Variants in C10orf90 observed in about 807,000 individuals in gnomAD.
The protein encoded by C10orf90 is (E2-independent) E3 ubiquitin-conjugating enzyme FATS.
A neutral mutation model predicts 62.5 loss-of-function variants in C10orf90; 56 were observed. That is an observed-to-expected ratio of 0.90 (90% CI 0.72 to 1.12). The LOEUF (loss-of-function observed/expected upper bound fraction) is 1.12. C10orf90 is among the 50% of genes most tolerant of loss of function. The pLI is 0.00. For missense variants in C10orf90, 970 were observed against 880.4 expected (o/e 1.10, Z -1.29); for synonymous variants, 386 against 340.4 (o/e 1.13, Z -1.47).
At chr10:126,650,161 A>T (rs1846262706) in intron 1 of C10orf90, among the ~76,000 whole-genome samples, 1 of 152,108 alleles carries the variant, frequency 6.6e-6, no homozygotes, top group Admixed American at 6.5e-5. Context: ...TCCAATTTTT[A>T]CTATTTACTA....
chr10:126,570,295 G>A lies in C10orf90; in HGVS notation c.314-56356C>T, dbSNP rs138978700. On this transcript the variant is annotated intron_variant, in intron 2 of 9. Transcript: ENST00000488181. ...AAGAGTTATGTGCATTTTCAACAGT[G>A]CTGGCACACAGTGGACTTTACGCAC... Among the ~76,000 whole-genome samples the A allele has an allele frequency of 2.0e-3, 306 of 152,322 alleles. 2 individuals are homozygous for A. Among genetic ancestry groups the A allele is most frequent in the African/African-American group, 6.4e-3 (268 of 41,576 alleles).
intron 2 of C10orf90, among the ~76,000 whole-genome samples, chr10:126,605,564 T>C (rs939325665): frequency 3.9e-5 from 6 of 152,190 alleles, no homozygotes; most frequent in Non-Finnish European, 8.8e-5. Context: ...AAAGATGTGT[T>C]GAATCCTCGC....
intron 3 of C10orf90, among the ~76,000 whole-genome samples, chr10:126,513,641 A>G (rs1863265657): frequency 6.6e-6 from 1 of 152,240 alleles, no homozygotes; most frequent in African/African-American, 2.4e-5. Context: ...AGCAATTGCC[A>G]TATTCTAAGA....
At chr10:126,510,739 A>G (rs771950731) in intron 3 of C10orf90, among the ~76,000 whole-genome samples, 8 of 152,234 alleles carry the variant, frequency 5.3e-5, no homozygotes, top group Non-Finnish European at 1.0e-4. Context: ...TAGTGCTGGT[A>G]ACTGCTTTCA....
At chr10:126,628,816 C>T (rs1267020694) in intron 2 of C10orf90, among the ~76,000 whole-genome samples, 1 of 152,194 alleles carries the variant, frequency 6.6e-6, no homozygotes, top group Non-Finnish European at 1.5e-5. Flanking sequence ...ACCACTCACT[C>T]TCCATGTTCC....
At chr10:126,664,622 T>A (rs576307502) in intron 1 of C10orf90, among the ~76,000 whole-genome samples, 1 of 152,294 alleles carries the variant, frequency 6.6e-6, no homozygotes, top group African/African-American at 2.4e-5. Flanking sequence ...TTGGCTGAAA[T>A]GTGGATATGG....
Position 126,643,519 on chromosome 10 carries a change from G to C in C10orf90, c.313+3046C>G, listed in dbSNP as rs1846106259. Among the ~76,000 whole-genome samples, 2 of 152,168 alleles carry C rather than the reference G, an allele frequency of 1.3e-5. 1 individual carries two copies. The highest frequency in any genetic ancestry group is 4.1e-4 in the South Asian group (2 of 4,832). ...CATCACCCCCAGGATTGGGCCTCTG[G>C]AAGTTGTACATCTAATATCTGACCT... On this transcript the variant is annotated intron_variant, in intron 2 of 9. Transcript: ENST00000488181.
intron 2 of C10orf90, among the ~76,000 whole-genome samples, chr10:126,633,751 TC>T (rs1845896684): frequency 6.6e-6 from 1 of 151,902 alleles, no homozygotes; most frequent in Non-Finnish European, 1.5e-5. Context: ...CCTCTCTGCT[TC>T]CCCCAACACG....
intron 2 of C10orf90, among the ~76,000 whole-genome samples, chr10:126,583,937 G>C (rs1369143626): frequency 1.3e-5 from 2 of 152,082 alleles, no homozygotes; most frequent in Non-Finnish European, 2.9e-5. Flanking sequence ...GTGATGTAGA[G>C]AGACCTCATC....
At chr10:126,544,018 A>G (rs1023935893) in intron 2 of C10orf90, among the ~76,000 whole-genome samples, 7 of 152,214 alleles carry the variant, frequency 4.6e-5, no homozygotes, top group African/African-American at 1.7e-4. Context: ...GTGATTCTCA[A>G]TTCAGCTGCT....
intron 4 of C10orf90, chr10:126,496,806 C>T (rs780812580): frequency 3.3e-5 from 24 of 729,690 alleles, no homozygotes; most frequent in Admixed American, 6.3e-5. Flanking sequence ...GGGTCATCAA[C>T]GTAACCTGTC....
At chr10:126,653,164 T>G (rs10794098) in intron 1 of C10orf90, among the ~76,000 whole-genome samples, 73,330 of 152,070 alleles carry the variant, frequency 0.48, 18,599 homozygotes, top group East Asian at 0.58. Context: ...CAGGGTGGTG[T>G]TTGCTGAAGG....
rs565331103 is a variant in C10orf90 at position 126,540,843 on chromosome 10, T to C, written c.314-26904A>G. On this transcript the variant is annotated intron_variant, in intron 2 of 9. Coordinates refer to ENST00000488181, the MANE Select transcript of C10orf90 (RefSeq NM_001350921.2). Reference sequence around the variant, plus strand: ...GAAAACAGAGTGAGACATCCATGTATATTTGGGAATTTAGTTTATGAAAGG... The same window carrying C: ...GAAAACAGAGTGAGACATCCATGTACATTTGGGAATTTAGTTTATGAAAGG... Among the ~76,000 whole-genome samples the C allele has an allele frequency of 4.6e-5, 7 of 152,310 alleles. No homozygotes were observed. The South Asian group carries it at 1.4e-3, about 32-fold the overall frequency.
chr10:126,528,505 G>A (rs540018653), intron 2 of C10orf90, among the ~76,000 whole-genome samples: 54 of 152,222 alleles, frequency 3.5e-4, no homozygotes, highest in Middle Eastern at 3.4e-3. Flanking sequence ...CTTCTGAAGC[G>A]TGGTGGCGAA....
chr10:126,653,328 C>G (rs1846328117), intron 1 of C10orf90, among the ~76,000 whole-genome samples: 1 of 152,334 alleles, frequency 6.6e-6, no homozygotes, highest in South Asian at 2.1e-4. Flanking sequence ...TGGAGGCAAT[C>G]CCCTCAAACC....
chr10:126,611,230 A>G (rs1845426376), intron 2 of C10orf90, among the ~76,000 whole-genome samples: 1 of 152,176 alleles, frequency 6.6e-6, no homozygotes, highest in African/African-American at 2.4e-5. Context: ...CATTTCGTAT[A>G]AATGGATTAC....
chr10:126,614,719 G>A (rs1845506389), intron 2 of C10orf90, among the ~76,000 whole-genome samples: 1 of 152,152 alleles, frequency 6.6e-6, no homozygotes, highest in Admixed American at 6.5e-5. Flanking sequence ...AATAGAGAGG[G>A]GCGTTGCTCG....
chr10:126,592,988 A>T (rs954627801), intron 2 of C10orf90, among the ~76,000 whole-genome samples: 12 of 152,216 alleles, frequency 7.9e-5, no homozygotes, highest in Non-Finnish European at 1.8e-4. Context: ...ACAATAAGAT[A>T]CCATGTCATG....
intron 2 of C10orf90, among the ~76,000 whole-genome samples, chr10:126,587,948 G>C (rs1340019233): frequency 1.3e-5 from 2 of 152,174 alleles, no homozygotes; most frequent in Non-Finnish European, 2.9e-5. Context: ...CATTCCCTTA[G>C]GAAGGGGGCT....
Sources: allele counts gnomAD v4.1 joint callset (sites outside exome capture counted in the v4.1 genomes callset), GRCh38; gene constraint gnomAD v4.1.1; transcripts MANE v1.5; gene names NCBI Gene and HGNC (gene_info 2026-07-23, HGNC 2026-07-21).